FILIP1L: variants seen among roughly 807,000 people sequenced by gnomAD.
FILIP1L encodes filamin A-interacting protein 1-like.
FILIP1L carries 55 observed loss-of-function variants against 96.6 expected under a neutral mutation model. The ratio of observed to expected loss-of-function variants is 0.57; its 90% CI spans 0.46 to 0.71. FILIP1L has a LOEUF of 0.71. Ranked by LOEUF, FILIP1L falls within the 30% of genes least tolerant of loss-of-function variation. FILIP1L has a pLI of 0.00. For missense variants in FILIP1L, 1,304 were observed against 1,321.2 expected (o/e 0.99, Z 0.20); for synonymous variants, 467 against 473.9 (o/e 0.99, Z 0.19).
chr3:99,963,054 C>T (rs1426560495), intron 1 of FILIP1L, among the ~76,000 whole-genome samples: 1 of 152,198 alleles, frequency 6.6e-6, no homozygotes, highest in Non-Finnish European at 1.5e-5. Flanking sequence ...TTGCTTGCAG[C>T]CTTAGTTTCT....
intron 3 of FILIP1L, among the ~76,000 whole-genome samples, chr3:99,925,417 C>T (rs1374040075): frequency 6.6e-6 from 1 of 152,034 alleles, no homozygotes; most frequent in African/African-American, 2.4e-5. Context: ...TATTTTTAAT[C>T]CTTGGCATCT....
In FILIP1L at chr3:100,020,243, T is replaced by C. The variant is rs146050982; in HGVS notation, c.-10-89213A>G. 4.5e-3 allele frequency among the ~76,000 whole-genome samples: 684 copies of C among 152,312 alleles called. 7 individuals carry two copies. Among genetic ancestry groups the C allele is most frequent in the African/African-American group, 0.016 (670 of 41,550 alleles). Reference sequence around the variant, plus strand: ...TCTGTTTCACATAATTCTTTGCAATTTACTTCACTATTCTGCAAATAAATC... The same window carrying C: ...TCTGTTTCACATAATTCTTTGCAATCTACTTCACTATTCTGCAAATAAATC... On this transcript the variant is annotated intron_variant, in intron 1 of 5. Coordinates refer to ENST00000477258, the MANE Select transcript of FILIP1L (RefSeq NM_001387850.1).
chr3:99,950,174 T>G (rs1222525158), intron 1 of FILIP1L, among the ~76,000 whole-genome samples: 1 of 152,176 alleles, frequency 6.6e-6, no homozygotes, highest in African/African-American at 2.4e-5. Context: ...GATAGGACTT[T>G]TTTCTTATTT....
intron 4 of FILIP1L, among the ~76,000 whole-genome samples, chr3:99,920,136 A>G (rs1418344270): frequency 6.6e-6 from 1 of 152,230 alleles, no homozygotes; most frequent in East Asian, 1.9e-4. Context: ...AGCTGCCATA[A>G]CAATATTTCT....
chr3:99,848,253 A>ACTGGATGAGGGTGAGCGTGGT, intron 5 of FILIP1L, 42 bp downstream of exon 5: 1 of 1,605,346 alleles, frequency 6.2e-7, no homozygotes, highest in Non-Finnish European at 8.5e-7. Context: ...ATCAGTATGG[A>ACTGGATGAGGGTGAGCGTGGT]CTGGATGAGG....
intron 4 of FILIP1L, among the ~76,000 whole-genome samples, chr3:99,885,853 C>T (rs530508347): frequency 1.3e-5 from 2 of 152,256 alleles, no homozygotes; most frequent in African/African-American, 4.8e-5. Context: ...AAATGAAGAA[C>T]AATACAGCTC....
rs764315157 is a variant in FILIP1L, at chr3:99,924,225, C to T, written c.605+5G>A. 2.5e-6 allele frequency: 4 copies of T among 1,612,196 alleles called. No individual in the cohort carries two copies. Among genetic ancestry groups the T allele is most frequent in the Non-Finnish European group, 3.4e-6 (4 of 1,179,138 alleles). ...TGGGACATTGTTTGCCCAAAGCAGC[C>T]TTACCTTTCACATTCCTGTTCTAGT... On this transcript the variant is annotated splice_donor_5th_base_variant and intron_variant, in intron 4 of 5. Transcript: ENST00000477258.
chr3:100,021,952 TGTGTGTGTGA>T (rs57798285), intron 1 of FILIP1L, among the ~76,000 whole-genome samples: 1,120 of 111,202 alleles, frequency 0.01, 5 homozygotes, highest in East Asian at 0.031. Flanking sequence ...TGTGTGTGTG[TGTGTGTGTGA>T]GAGAGAGAGA....
chr3:99,990,805 T>C (rs2107130653), intron 1 of FILIP1L, among the ~76,000 whole-genome samples: 1 of 152,322 alleles, frequency 6.6e-6, no homozygotes, highest in South Asian at 2.1e-4. Context: ...CTTTCTGGAA[T>C]TCCATAAAGA....
chr3:100,101,391 C>G (rs2066302562), intron 1 of FILIP1L, among the ~76,000 whole-genome samples: 2 of 152,100 alleles, frequency 1.3e-5, no homozygotes, highest in Non-Finnish European at 2.9e-5. Flanking sequence ...GAGGAGCAGT[C>G]CAGCTTTGCA....
rs554998841 is a variant in FILIP1L at position 99,848,221 on chromosome 3, G to T, written c.3381+74C>A. On this transcript the variant is annotated intron_variant, in intron 5 of 5. Coordinates refer to ENST00000477258, the MANE Select transcript of FILIP1L (RefSeq NM_001387850.1). ...GGGATATGGAGGGATGATTAAAAAA[G>T]GATTGAGTTCCTTGCAAAAATATCA... 114 of 1,577,390 alleles carry T rather than the reference G, an allele frequency of 7.2e-5. No individual in the cohort carries two copies. In the African/African-American group the frequency reaches 1.3e-3, roughly 19 times the overall value.
rs180947216 is a variant in FILIP1L, at chr3:99,979,492, G to T, written c.-10-48462C>A. Reference sequence around the variant, plus strand: ...GATGATGAACCAGCATTGGAGTCAGGTTGTTCATAGGTAGAAATGGTTTAT... The same window carrying T: ...GATGATGAACCAGCATTGGAGTCAGTTTGTTCATAGGTAGAAATGGTTTAT... On this transcript the variant is annotated intron_variant, in intron 1 of 5. Coordinates refer to ENST00000477258, the MANE Select transcript of FILIP1L (RefSeq NM_001387850.1). Among the ~76,000 whole-genome samples the T allele has an allele frequency of 8.6e-4, 131 of 152,262 alleles. 1 individual carries two copies. The highest frequency in any genetic ancestry group is 2.5e-4 in the Non-Finnish European group (17 of 68,020).
intron 4 of FILIP1L, among the ~76,000 whole-genome samples, chr3:99,900,555 C>A (rs1706402111): frequency 6.6e-6 from 1 of 152,136 alleles, no homozygotes; most frequent in South Asian, 2.1e-4. Context: ...AAATGCCATA[C>A]CTTTAGCCCT....
rs181243403 is a variant in FILIP1L at position 99,967,358 on chromosome 3, A to C, written c.-10-36328T>G. Among the ~76,000 whole-genome samples, 47 of 152,348 alleles carry C rather than the reference A, an allele frequency of 3.1e-4. 1 individual carries two copies. The East Asian group carries it at 8.9e-3, about 29-fold the overall frequency. ...TTTCACAGAGAGCTCAAAGCACTTTACATGCATTGAGAGAGAAGCTTCTCG... is the reference window on the plus strand; with the variant it reads ...TTTCACAGAGAGCTCAAAGCACTTTCCATGCATTGAGAGAGAAGCTTCTCG... On this transcript the variant is annotated intron_variant, in intron 1 of 5. Transcript: ENST00000477258.
chr3:99,953,593 C>G (rs1374446962), intron 1 of FILIP1L, among the ~76,000 whole-genome samples: 3 of 152,118 alleles, frequency 2.0e-5, no homozygotes, highest in African/African-American at 7.2e-5. Flanking sequence ...TCAATAAAAT[C>G]CAACCAGTCT....
chr3:99,924,864 G>A (rs1296747795), intron 3 of FILIP1L, among the ~76,000 whole-genome samples: 2 of 152,160 alleles, frequency 1.3e-5, no homozygotes, highest in African/African-American at 4.8e-5. Context: ...TTATTCTCTT[G>A]TTAATTGATA....
chr3:99,881,515 T>C (rs779100900), intron 4 of FILIP1L, among the ~76,000 whole-genome samples: 1 of 152,034 alleles, frequency 6.6e-6, no homozygotes, highest in Non-Finnish European at 1.5e-5. Context: ...TGTCATATAA[T>C]TTGTAGCCCA....
intron 4 of FILIP1L, among the ~76,000 whole-genome samples, chr3:99,868,949 G>A (rs1160480492): frequency 6.6e-6 from 1 of 152,106 alleles, no homozygotes; most frequent in Non-Finnish European, 1.5e-5. Flanking sequence ...CCAACTGTAA[G>A]CTCCTTAAAG....
intron 1 of FILIP1L, chr3:100,051,157 A>G (rs1216958160): frequency 1.3e-5 from 2 of 152,150 alleles, no homozygotes; most frequent in Admixed American, 1.3e-4. Flanking sequence ...TCCATAAGTC[A>G]GAAATTTAAA....
Sources: gnomAD v4.1 joint callset for allele counts (sites outside exome capture counted in the v4.1 genomes callset) on GRCh38, gnomAD v4.1.1 for gene constraint, MANE v1.5 for transcripts, NCBI Gene and HGNC (gene_info 2026-07-23, HGNC 2026-07-21) for gene names.